The following EXOC6B variants were observed in gnomAD, a reference collection of about 807,000 sequenced individuals.
EXOC6B encodes exocyst complex component 6B.
EXOC6B carries 54 observed loss-of-function variants against 113.5 expected under a neutral mutation model. That is an observed-to-expected ratio of 0.48 (90% CI 0.38 to 0.60). The LOEUF is 0.60. Ranked by LOEUF, EXOC6B falls within the 20% of genes least tolerant of loss-of-function variation. The pLI, the probability that EXOC6B is intolerant of heterozygous loss-of-function variation, is 0.00. For synonymous variants in EXOC6B, 357 were observed against 339.0 expected, an observed-to-expected ratio of 1.05 and a Z score of -0.58; for missense variants, 797 against 977.5, an observed-to-expected ratio of 0.82 and a Z score of 2.46.
chr2:72,321,719 C>T (rs1687856909), intron 20 of EXOC6B, among the ~76,000 whole-genome samples: 1 of 151,770 alleles, frequency 6.6e-6, no homozygotes, highest in South Asian at 2.1e-4. Flanking sequence ...CAGTTGTTGC[C>T]AGGGAATACA....
chr2:72,805,095 G>C (rs1685508049), intron 1 of EXOC6B, among the ~76,000 whole-genome samples: 1 of 152,122 alleles, frequency 6.6e-6, no homozygotes, highest in African/African-American at 2.4e-5. Context: ...TCAACAAACT[G>C]CTGTAACCTA....
intron 6 of EXOC6B, among the ~76,000 whole-genome samples, chr2:72,649,497 C>T (rs1674005039): frequency 6.7e-6 from 1 of 149,404 alleles, no homozygotes; most frequent in African/African-American, 2.5e-5. Flanking sequence ...TATATGCCCA[C>T]AAAAATTAAA....
At chr2:72,287,162 GGTC>G (rs1328066881) in intron 20 of EXOC6B, among the ~76,000 whole-genome samples, 1 of 152,036 alleles carries the variant, frequency 6.6e-6, no homozygotes, top group Non-Finnish European at 1.5e-5. Flanking sequence ...CGGGCGCAGT[GGTC>G]AAGCCTGTAA....
At chr2:72,483,645 C>T (rs943285267) in intron 16 of EXOC6B, among the ~76,000 whole-genome samples, 2 of 152,142 alleles carry the variant, frequency 1.3e-5, no homozygotes, top group Non-Finnish European at 2.9e-5. Flanking sequence ...ACAGTAGATA[C>T]CATGTCATTT....
intron 18 of EXOC6B, among the ~76,000 whole-genome samples, chr2:72,420,321 G>C (rs1018081318): frequency 1.3e-5 from 2 of 152,052 alleles, no homozygotes; most frequent in South Asian, 2.1e-4. Context: ...ACGTGCCATA[G>C]TGGATTGTGG....
At chr2:72,355,223 C>G (rs1022725924) in intron 19 of EXOC6B, among the ~76,000 whole-genome samples, 2 of 152,090 alleles carry the variant, frequency 1.3e-5, no homozygotes, top group Non-Finnish European at 2.9e-5. Flanking sequence ...TATACACATA[C>G]TCATATATAT....
intron 1 of EXOC6B, among the ~76,000 whole-genome samples, chr2:72,769,357 G>A (rs984086245): frequency 1.3e-5 from 2 of 152,154 alleles, no homozygotes; most frequent in African/African-American, 2.4e-5. Flanking sequence ...AAAATTACAT[G>A]TAAAATTAAA....
intron 18 of EXOC6B, among the ~76,000 whole-genome samples, chr2:72,434,840 T>A (rs1045133879): frequency 1.3e-5 from 2 of 152,228 alleles, no homozygotes; most frequent in African/African-American, 4.8e-5. Flanking sequence ...ATTTTGTTAA[T>A]CTTTTCAAAA....
intron 19 of EXOC6B, among the ~76,000 whole-genome samples, chr2:72,375,560 A>G (rs902961302): frequency 2.0e-5 from 3 of 152,224 alleles, no homozygotes; most frequent in Admixed American, 6.5e-5. Flanking sequence ...ACATTTCCAA[A>G]TAACCCACAA....
chr2:72,523,951 AC>A (rs1319968799), intron 8 of EXOC6B, among the ~76,000 whole-genome samples: 1 of 151,968 alleles, frequency 6.6e-6, no homozygotes, highest in African/African-American at 2.4e-5. Flanking sequence ...TTGAGAAGCA[AC>A]TAAGGACAAC....
intron 6 of EXOC6B, among the ~76,000 whole-genome samples, chr2:72,646,319 A>G (rs541539359): frequency 0.064 from 5,259 of 81,542 alleles, 123 homozygotes; most frequent in South Asian, 0.18. Flanking sequence ...CCAACCAAAA[A>G]AAGTCCAGGA....
Position 72,186,481 on chromosome 2 carries a change from T to TAGGGAA in EXOC6B, c.2197-2300_2197-2295dup, listed in dbSNP as rs527823315. Among the ~76,000 whole-genome samples, 566 of 152,078 alleles carry TAGGGAA rather than the reference T, an allele frequency of 3.7e-3. 3 individuals are homozygous for TAGGGAA. Among genetic ancestry groups the TAGGGAA allele is most frequent in the Non-Finnish European group, 5.9e-3 (398 of 67,996 alleles). ...TTTCACTATATTTTCCTGCAACTCC[T>TAGGGAA]AGGGAAAGAACTATGAAAAAGGATA... is the stretch of plus-strand genomic sequence containing the variant. On this transcript the variant is annotated intron_variant, in intron 20 of 21. Transcript: ENST00000272427.
chr2:72,439,670 T>C (rs1696079367), intron 18 of EXOC6B, among the ~76,000 whole-genome samples: 1 of 152,238 alleles, frequency 6.6e-6, no homozygotes, highest in Non-Finnish European at 1.5e-5. Context: ...AAGGTACTCC[T>C]TTAGCTCAGT....
At chr2:72,798,936 T>C (rs1685127546) in intron 1 of EXOC6B, among the ~76,000 whole-genome samples, 1 of 152,156 alleles carries the variant, frequency 6.6e-6, no homozygotes, top group South Asian at 2.1e-4. Flanking sequence ...TCATTTGACC[T>C]ACATATAAAA....
intron 18 of EXOC6B, among the ~76,000 whole-genome samples, chr2:72,409,742 A>G (rs999677464): frequency 2.6e-5 from 4 of 151,958 alleles, no homozygotes; most frequent in Non-Finnish European, 4.4e-5. Flanking sequence ...GGGGAGGGAT[A>G]GCATTAGGAG....
intron 6 of EXOC6B, among the ~76,000 whole-genome samples, chr2:72,631,086 A>G (rs1672360127): frequency 6.6e-6 from 1 of 152,152 alleles, no homozygotes; most frequent in Non-Finnish European, 1.5e-5. Context: ...TAGTTATAGA[A>G]GAGAATAAAT....
intron 11 of EXOC6B, among the ~76,000 whole-genome samples, chr2:72,508,413 A>G (rs1573286610): frequency 6.6e-6 from 1 of 152,272 alleles, no homozygotes; most frequent in East Asian, 1.9e-4. Context: ...GTTGACTGGA[A>G]GAATAATAAG....
chr2:72,774,824 A>T (rs1021250582), intron 1 of EXOC6B, among the ~76,000 whole-genome samples: 5 of 152,194 alleles, frequency 3.3e-5, no homozygotes, highest in Non-Finnish European at 5.9e-5. Flanking sequence ...AACATCATGC[A>T]TCAGTCACAA....
chr2:72,508,184 A>AAAAAAAAAAC lies in EXOC6B; in HGVS notation c.1167+4947_1167+4948insGTTTTTTTTT, dbSNP rs923877882. The stretch of plus-strand genomic sequence containing the variant: ...CCCGCAAAAAAAAAAAAAAAAAAAA[A>AAAAAAAAAAC]ACACCTAAAAACAGTACTTTGATGG... On this transcript the variant is annotated intron_variant, in intron 11 of 21. Coordinates refer to ENST00000272427, the MANE Select transcript of EXOC6B (RefSeq NM_015189.3). Among the ~76,000 whole-genome samples the AAAAAAAAAAC allele has an allele frequency of 7.0e-3, 621 of 88,844 alleles. 34 individuals are homozygous for AAAAAAAAAAC. Among genetic ancestry groups the AAAAAAAAAAC allele is most frequent in the African/African-American group, 0.027 (403 of 14,846 alleles). The allele number at this position is 88,844 out of a possible 152,430, so 58.3% of individuals were successfully genotyped here. A position where few individuals can be genotyped will look rare whatever the true frequency, so the allele number is the denominator to read the frequency against.
Sources: allele counts gnomAD v4.1 joint callset (sites outside exome capture counted in the v4.1 genomes callset), GRCh38; gene constraint gnomAD v4.1.1; transcripts MANE v1.5; gene names NCBI Gene and HGNC (gene_info 2026-07-23, HGNC 2026-07-21).